The following HNRNPM variants were observed in gnomAD, a reference collection of about 807,000 sequenced individuals.
The protein encoded by HNRNPM is heterogeneous nuclear ribonucleoprotein M.
In HNRNPM, 11 loss-of-function variants were observed where a neutral mutation model predicts 73.1. The ratio of observed to expected loss-of-function variants is 0.15; its 90% CI spans 0.09 to 0.25. The LOEUF (loss-of-function observed/expected upper bound fraction) is 0.25, where lower values mean the gene tolerates loss of function less well. HNRNPM is among the 10% of genes least tolerant of loss of function. The probability of loss-of-function intolerance (pLI) is 1.00; values close to 1 mark genes in which losing one functional copy is unlikely to be tolerated. For synonymous variants in HNRNPM, 407 were observed against 355.2 expected (o/e 1.15, Z -1.64); for missense variants, 789 against 1,067.9 (o/e 0.74, Z 3.64).
chr19:8,450,148 C>T (rs944190851), intron 1 of HNRNPM, among the ~76,000 whole-genome samples: 1 of 152,102 alleles, frequency 6.6e-6, no homozygotes, highest in Non-Finnish European at 1.5e-5. Context: ...ATTAGAGCAG[C>T]GCAGGACTTG....
At chr19:8,480,275 C>T (rs1270357786) in intron 12 of HNRNPM, among the ~76,000 whole-genome samples, 11 of 136,958 alleles carry the variant, frequency 8.0e-5, no homozygotes, top group African/African-American at 1.6e-4. Context: ...ACTTGGGAGG[C>T]GGAGGTTGCA....
At chr19:8,479,100 T>TTTTC (rs1555707179) in intron 12 of HNRNPM, among the ~76,000 whole-genome samples, 9 of 143,100 alleles carry the variant, frequency 6.3e-5, no homozygotes, top group African/African-American at 2.5e-4. Flanking sequence ...TTTTTTTTTT[T>TTTTC]TTCAAGACAG....
chr19:8,476,396 T>C (rs1479087199), intron 12 of HNRNPM, among the ~76,000 whole-genome samples: 1 of 152,194 alleles, frequency 6.6e-6, no homozygotes, highest in Non-Finnish European at 1.5e-5. Flanking sequence ...GTAGCCATTA[T>C]GGTCATGGGT....
At chr19:8,484,508 C>T (rs1971135190) in intron 13 of HNRNPM, among the ~76,000 whole-genome samples, 1 of 152,252 alleles carries the variant, frequency 6.6e-6, no homozygotes, top group Admixed American at 6.5e-5. Context: ...GGGCAAAGTG[C>T]CCATTCTCGC....
At chr19:8,466,431 A>T (rs1471269635) in intron 7 of HNRNPM, 43 bp downstream of exon 7, 2 of 1,592,686 alleles carry the variant, frequency 1.3e-6, no homozygotes, top group Non-Finnish European at 1.7e-6. Context: ...GTTTGACCTA[A>T]ATTGCTGTGT....
At chr19:8,445,410 GC>G (rs1260700264) in intron 1 of HNRNPM, 8 of 287,450 alleles carry the variant, frequency 2.8e-5, no homozygotes, top group African/African-American at 1.5e-4. Context: ...GATGGCGCGG[GC>G]CCGGACCGGA....
chr19:8,467,557 A>G lies in HNRNPM; in HGVS notation c.807A>G (p.Leu269=), dbSNP rs773735081. ...CAGCTATGTTCAATGGCCAGCTGCT[A>G]TTTGATAGACCAATGCACGTCAAGA... ...QAISMFNGQL[L]FDRPMHVKMD... The change falls in exon 8 of 16, where the codon CTA becomes CTG. Residue 269 remains leucine, a synonymous_variant. Coordinates refer to ENST00000325495, the MANE Select transcript of HNRNPM (RefSeq NM_005968.5). The G allele has an allele frequency of 7.2e-5, 116 of 1,612,742 alleles. No homozygotes were observed. Among genetic ancestry groups the G allele is most frequent in the Non-Finnish European group, 9.4e-5 (111 of 1,178,824 alleles).
At chr19:8,456,574 G>T (rs1969043461) in intron 2 of HNRNPM, among the ~76,000 whole-genome samples, 2 of 152,202 alleles carry the variant, frequency 1.3e-5, no homozygotes, top group South Asian at 4.1e-4. Context: ...ATGTGAGCTT[G>T]ATTTGTCAAA....
In HNRNPM at chr19:8,466,369, T is replaced by A; in HGVS notation, c.765T>A (p.Ile255=). Residue 255 remains isoleucine (I), a synonymous_variant, in exon 7 of 16, where the codon ATT becomes ATA. Transcript: ENST00000325495. ...GCACTGTTACTTTTGAACAGTCCAT[T>A]GAAGCTGTGCAAGCTATATGTATCC... ...GIGTVTFEQS[I]EAVQAISMFN... is the part of the protein sequence containing the mutation. 1 of 1,614,172 alleles carries A rather than the reference T, an allele frequency of 6.2e-7. No individual in the cohort carries two copies. The highest frequency in any genetic ancestry group is 8.5e-7 in the Non-Finnish European group (1 of 1,180,010).
chr19:8,487,405 TC>T (rs1332480174), intron 15 of HNRNPM: 1 of 318,222 alleles, frequency 3.1e-6, no homozygotes, highest in African/African-American at 2.2e-5. Flanking sequence ...AATAAATACA[TC>T]CCAGACGAGG....
chr19:8,460,672 C>G (rs1969337861), intron 2 of HNRNPM, among the ~76,000 whole-genome samples: 1 of 152,206 alleles, frequency 6.6e-6, no homozygotes, highest in African/African-American at 2.4e-5. Flanking sequence ...ATCCAAGCGT[C>G]TTATGGACAC....
chr19:8,460,530 A>G (rs1191385403), intron 2 of HNRNPM, among the ~76,000 whole-genome samples: 1 of 152,216 alleles, frequency 6.6e-6, no homozygotes, highest in East Asian at 1.9e-4. Flanking sequence ...CAGGTGTGCT[A>G]TTTCTAGACT....
chr19:8,450,724 ATTATT>A (rs773769974), intron 1 of HNRNPM, among the ~76,000 whole-genome samples: 3,303 of 45,792 alleles, frequency 0.072, 47 homozygotes, highest in Non-Finnish European at 0.24. Flanking sequence ...TATTATTATT[ATTATT>A]TTTTTTTTTT....
intron 1 of HNRNPM, among the ~76,000 whole-genome samples, chr19:8,449,482 C>T (rs1416003337): frequency 1.3e-5 from 2 of 152,112 alleles, no homozygotes; most frequent in Non-Finnish European, 2.9e-5. Flanking sequence ...CTACCCTTCT[C>T]AATAAAATTA....
At chr19:8,451,880 C>G (rs1339016132) in intron 1 of HNRNPM, among the ~76,000 whole-genome samples, 2 of 152,134 alleles carry the variant, frequency 1.3e-5, no homozygotes, top group African/African-American at 2.4e-5. Context: ...TCATTCTCTA[C>G]AAGTCTGTCA....
Position 8,462,214 on chromosome 19 carries a change from C to A in HNRNPM, c.284-315C>A. On this transcript the variant is annotated intron_variant, in intron 2 of 15. Coordinates refer to ENST00000325495, the MANE Select transcript of HNRNPM (RefSeq NM_005968.5). This position sits in a 1 kb window ranked among gnomAD's most constrained non-coding sequence, Gnocchi z 4.5. ...CCCTTCCCCAGAAAAGTAAATCACGCAGACTTCTTTCCTATAGATTTGGAT... is the reference window on the plus strand; with the variant it reads ...CCCTTCCCCAGAAAAGTAAATCACGAAGACTTCTTTCCTATAGATTTGGAT... 1 of 297,366 alleles carries A rather than the reference C, an allele frequency of 3.4e-6. No homozygotes were observed. The highest frequency in any genetic ancestry group is 6.4e-6 in the Non-Finnish European group (1 of 155,418). The allele number at this position is 297,366 out of a possible 1,614,324, so 18.4% of individuals were successfully genotyped here. A position where few individuals can be genotyped will look rare whatever the true frequency, so the allele number is the denominator to read the frequency against.
intron 7 of HNRNPM, 83 bp from the exon 8 acceptor site, chr19:8,467,452 A>C (rs1969833006): frequency 2.2e-6 from 2 of 907,868 alleles, no homozygotes; most frequent in South Asian, 1.3e-5. Flanking sequence ...GACTGGTAGC[A>C]GTTGGAGTAT....
intron 12 of HNRNPM, among the ~76,000 whole-genome samples, chr19:8,480,097 G>T (rs1364196639): frequency 7.1e-6 from 1 of 140,824 alleles, no homozygotes; most frequent in Non-Finnish European, 1.6e-5. Context: ...AAACTTACTG[G>T]CCGGGCGCGG....
intron 2 of HNRNPM, among the ~76,000 whole-genome samples, chr19:8,457,748 C>T (rs1969119995): frequency 1.3e-5 from 2 of 152,018 alleles, no homozygotes; most frequent in South Asian, 4.1e-4. Context: ...GTTTTTATTC[C>T]CGTTTTGGTG....
Sources: gnomAD v4.1 joint callset for allele counts (sites outside exome capture counted in the v4.1 genomes callset) on GRCh38, gnomAD v4.1.1 for gene constraint, Gnocchi (gnomAD v3.1) non-coding constraint, MANE v1.5 for transcripts, NCBI Gene and HGNC (gene_info 2026-07-23, HGNC 2026-07-21) for gene names.